The following USP32 variants were observed in gnomAD, a reference collection of about 807,000 sequenced individuals.
USP32 encodes ubiquitin carboxyl-terminal hydrolase 32.
A neutral mutation model predicts 204.8 loss-of-function variants in USP32; 59 were observed. The observed-to-expected ratio is 0.29, with a 90% CI of 0.23 to 0.36. USP32 has a LOEUF of 0.36. Among genes scored for constraint, USP32 ranks in the 10% least tolerant of loss-of-function variants. The pLI is 1.00. For missense variants in USP32, 1,160 were observed against 1,946.4 expected (o/e 0.60, Z 7.60); for synonymous variants, 517 against 678.4 (o/e 0.76, Z 3.70).
At chr17:60,410,319 C>A (rs2090008136) in intron 1 of USP32, among the ~76,000 whole-genome samples, 2 of 152,016 alleles carry the variant, frequency 1.3e-5, no homozygotes, top group African/African-American at 4.8e-5. Flanking sequence ...CATCCCTGAC[C>A]CAACCAATCA....
chr17:60,288,747 C>T (rs1784238310), intron 4 of USP32, 65 bp from the exon 5 acceptor site: 10 of 1,428,686 alleles, frequency 7.0e-6, no homozygotes, highest in Admixed American at 2.3e-5. Flanking sequence ...GGAACCTGCA[C>T]AACCTGAAAT....
chr17:60,409,529 T>C (rs2090003303), intron 1 of USP32, among the ~76,000 whole-genome samples: 1 of 152,196 alleles, frequency 6.6e-6, no homozygotes, highest in Admixed American at 6.5e-5. Flanking sequence ...TAGTTTTCTA[T>C]TGCAGTAAAA....
At chr17:60,299,982 C>A (rs182609373) in intron 3 of USP32, among the ~76,000 whole-genome samples, 10 of 152,134 alleles carry the variant, frequency 6.6e-5, no homozygotes, top group African/African-American at 2.2e-4. Context: ...GATTAACCCT[C>A]ATGACCTAAT....
intron 12 of USP32, among the ~76,000 whole-genome samples, chr17:60,232,173 T>TC (rs931731257): frequency 3.7e-5 from 5 of 136,626 alleles, no homozygotes; most frequent in East Asian, 4.0e-4. Flanking sequence ...TTTTTCTTTT[T>TC]TTTTTTTTTT....
chr17:60,311,813 G>A lies in USP32; in HGVS notation c.187-10109C>T, dbSNP rs151012034. Among the ~76,000 whole-genome samples the A allele has an allele frequency of 2.4e-3, 359 of 152,032 alleles. 1 individual carries two copies. The highest frequency in any genetic ancestry group is 7.6e-3 in the African/African-American group (314 of 41,468). On this transcript the variant is annotated intron_variant, in intron 2 of 33. Coordinates refer to ENST00000300896, the MANE Select transcript of USP32 (RefSeq NM_032582.4). ...GCACTCCAGCCTGGGCAACAAGAGC[G>A]AAATTCCACCTCAAACAAAACAAAA... is the stretch of plus-strand genomic sequence containing the variant.
At chr17:60,276,228 A>G (rs1282587966) in intron 5 of USP32, among the ~76,000 whole-genome samples, 2 of 152,184 alleles carry the variant, frequency 1.3e-5, no homozygotes, top group Admixed American at 1.3e-4. Context: ...TTTTGTAATA[A>G]AATAAAAAAT....
At chr17:60,195,940 A>G (rs1255553254) in intron 27 of USP32, among the ~76,000 whole-genome samples, 1 of 152,156 alleles carries the variant, frequency 6.6e-6, no homozygotes, top group Non-Finnish European at 1.5e-5. Context: ...TTCTTCCATT[A>G]AATGGTACCA....
intron 2 of USP32, 27 bp from the exon 3 acceptor site, chr17:60,301,731 TAGGAGGCATTTCAGTTGTTGA>T (rs780400168): frequency 4.7e-6 from 7 of 1,497,286 alleles, no homozygotes. Context: ...AAGCCAACCT[TAGGAGGCATTTCAGTTGTTGA>T]GGAATCTGAG....
intron 16 of USP32, among the ~76,000 whole-genome samples, chr17:60,217,555 A>G (rs984697820): frequency 9.2e-5 from 14 of 151,924 alleles, no homozygotes; most frequent in African/African-American, 3.4e-4. Context: ...TCGGCCTCCC[A>G]AAGTGCTGGG....
rs577968099 is a variant in USP32 at position 60,246,412 on chromosome 17, T to A, written c.1136+5969A>T. The stretch of plus-strand genomic sequence containing the variant: ...GTATGTGTGTGTGTATATATATATA[T>A]ATTTTTTTTTTTTCTTTATCCATTC... On this transcript the variant is annotated intron_variant, in intron 11 of 33. Transcript: ENST00000300896. Among the ~76,000 whole-genome samples the A allele has an allele frequency of 1.9e-3, 275 of 143,472 alleles. 3 individuals are homozygous for A. Among genetic ancestry groups the A allele is most frequent in the South Asian group, 0.016 (78 of 4,742 alleles). 94.1% of individuals were successfully genotyped at this position (143,472 alleles called of 152,430 possible). A position where few individuals can be genotyped will look rare whatever the true frequency, so the allele number is the denominator to read the frequency against.
intron 13 of USP32, among the ~76,000 whole-genome samples, chr17:60,224,012 CTCCAACAA>C (rs910036289): frequency 6.6e-5 from 10 of 152,152 alleles, no homozygotes; most frequent in Non-Finnish European, 1.3e-4. Flanking sequence ...AAAACAAGAA[CTCCAACAA>C]AAGAGTAATG....
chr17:60,368,265 A>T lies in USP32; in HGVS notation c.59-22657T>A, dbSNP rs548896266. On this transcript the variant is annotated intron_variant, in intron 1 of 33. Coordinates refer to ENST00000300896, the MANE Select transcript of USP32 (RefSeq NM_032582.4). ...TTCACACTGTACAACAGCACTGGAT[A>T]GTATAATGCTTCCTGTTTATTTTAA... is the stretch of plus-strand genomic sequence containing the variant. 2.4e-4 allele frequency among the ~76,000 whole-genome samples: 37 copies of T among 152,374 alleles called. No individual in the cohort carries two copies. The South Asian group carries it at 3.5e-3, about 14-fold the overall frequency.
At chr17:60,182,677 T>A (rs1358402224) in intron 31 of USP32, among the ~76,000 whole-genome samples, 1 of 151,918 alleles carries the variant, frequency 6.6e-6, no homozygotes, top group Admixed American at 6.6e-5. Context: ...GTGGGAGGAT[T>A]GATTGACCCC....
chr17:60,350,707 T>A (rs1248163969), intron 1 of USP32, among the ~76,000 whole-genome samples: 1 of 152,114 alleles, frequency 6.6e-6, no homozygotes, highest in Non-Finnish European at 1.5e-5. Flanking sequence ...TCTCCCTCTA[T>A]CCCTCTCTCA....
rs559783046 is a variant in USP32, at chr17:60,239,572, C to G, written c.1137-3332G>C. ...TTTTATTTAACTTCTCTGATTCATTCTTCTGCCTGCTCATATCTGATGGAG... is the reference window on the plus strand; with the variant it reads ...TTTTATTTAACTTCTCTGATTCATTGTTCTGCCTGCTCATATCTGATGGAG... On this transcript the variant is annotated intron_variant, in intron 11 of 33. Coordinates refer to ENST00000300896, the MANE Select transcript of USP32 (RefSeq NM_032582.4). Among the ~76,000 whole-genome samples the G allele has an allele frequency of 6.9e-4, 105 of 152,268 alleles. 1 individual carries two copies. Among genetic ancestry groups the G allele is most frequent in the Middle Eastern group, 3.4e-3 (1 of 294 alleles).
intron 9 of USP32, among the ~76,000 whole-genome samples, chr17:60,257,713 G>T (rs1242232963): frequency 1.3e-5 from 2 of 152,030 alleles, no homozygotes; most frequent in East Asian, 1.9e-4. Context: ...TGAACTCCTG[G>T]CCTTAGGCAA....
intron 11 of USP32, among the ~76,000 whole-genome samples, chr17:60,251,210 TG>T (rs2086158905): frequency 6.6e-6 from 1 of 152,122 alleles, no homozygotes; most frequent in Admixed American, 6.5e-5. Context: ...CCCAAAGTGC[TG>T]GGATTACAGG....
chr17:60,344,129 T>G (rs1294699384), intron 2 of USP32, among the ~76,000 whole-genome samples: 1 of 95,358 alleles, frequency 1.0e-5, no homozygotes, highest in Non-Finnish European at 1.8e-5. Context: ...AAAATTCCTA[T>G]TTTTTTTTTT....
chr17:60,368,991 ATTTTTTTTTTTT>A lies in USP32; in HGVS notation c.58+22879_58+22890del, dbSNP rs758528054. 1.6e-4 allele frequency among the ~76,000 whole-genome samples: 18 copies of A among 114,132 alleles called. 3 individuals carry two copies. The highest frequency in any genetic ancestry group is 8.7e-4 in the African/African-American group (17 of 19,586). The allele number at this position is 114,132 out of a possible 152,430, so 74.9% of individuals were successfully genotyped here. A position where few individuals can be genotyped will look rare whatever the true frequency, so the allele number is the denominator to read the frequency against. The stretch of plus-strand genomic sequence containing the variant: ...ACATACACGAATTATTTTTTAAAAG[ATTTTTTTTTTTT>A]TTTTTTTTTGAGACGGAGTCTCGCT... On this transcript the variant is annotated intron_variant, in intron 1 of 33. Transcript: ENST00000300896.
Sources: gnomAD v4.1 joint callset for allele counts (sites outside exome capture counted in the v4.1 genomes callset) on GRCh38, gnomAD v4.1.1 for gene constraint, MANE v1.5 for transcripts, NCBI Gene and HGNC (gene_info 2026-07-23, HGNC 2026-07-21) for gene names.